Variants in TMEM178A observed in about 807,000 individuals in gnomAD.
TMEM178A encodes the protein transmembrane protein 178.
A neutral mutation model predicts 29.1 loss-of-function variants in TMEM178A; 12 were observed. The ratio of observed to expected loss-of-function variants is 0.41; its 90% CI spans 0.26 to 0.67. The LOEUF (loss-of-function observed/expected upper bound fraction) is 0.67, where lower values mean the gene tolerates loss of function less well. TMEM178A is among the 30% of genes least tolerant of loss of function. The probability of loss-of-function intolerance (pLI) is 0.29; values close to 1 mark genes in which losing one functional copy is unlikely to be tolerated. For synonymous variants in TMEM178A, 210 were observed against 187.2 expected, an observed-to-expected ratio of 1.12 and a Z score of -0.99; for missense variants, 366 against 419.1, an observed-to-expected ratio of 0.87 and a Z score of 1.11.
At position 39,704,087 on chromosome 2, in the gene TMEM178A, C is replaced by T. The variant is rs769515311; in HGVS notation, c.407C>T (p.Ala136Val). 7 of 1,613,766 alleles carry T rather than the reference C, an allele frequency of 4.3e-6. No homozygotes were observed. The highest frequency in any genetic ancestry group is 1.3e-5 in the African/African-American group (1 of 74,912). The change falls in exon 2 of 4, where the codon GCG (alanine) becomes GTG (valine). Residue 136 changes from alanine (A) to valine (V), a missense_variant. Around this residue, in one of 2 missense-constraint regions of TMEM178A, gnomAD observed 247 missense variants for 246.8 expected, o/e 1.00. Transcript: ENST00000281961. ...DIDTLILKGI[A>V]QRCTAIKYHF... is the part of the protein sequence containing the mutation. Reference sequence around the variant, plus strand: ...GTTTCTTATTTCCTTCAAGGTATTGCGCAGCGATGCACGGCCATCAAGTAC... The same window carrying T: ...GTTTCTTATTTCCTTCAAGGTATTGTGCAGCGATGCACGGCCATCAAGTAC...
At chr2:39,733,400 G>C in the TMEM178A span, among the ~76,000 whole-genome samples, 1 of 152,168 alleles carries the variant, frequency 6.6e-6, no homozygotes, top group Admixed American at 6.5e-5. Context: ...GATGCCAATG[G>C]AATGAGTTGA....
chr2:39,729,428 TC>T, the TMEM178A span, among the ~76,000 whole-genome samples: 1 of 152,190 alleles, frequency 6.6e-6, no homozygotes, highest in Non-Finnish European at 1.5e-5. Flanking sequence ...AAGCTGGTGT[TC>T]TGGTTTCTGC....
intron 1 of TMEM178A, among the ~76,000 whole-genome samples, chr2:39,684,069 CTAGT>C (rs1181155660): frequency 6.6e-6 from 1 of 152,170 alleles, no homozygotes; most frequent in African/African-American, 2.4e-5. Flanking sequence ...ATGCATCTAC[CTAGT>C]TCTGATCTGC....
chr2:39,727,914 A>G, the TMEM178A span, among the ~76,000 whole-genome samples: 6 of 152,310 alleles, frequency 3.9e-5, no homozygotes, highest in East Asian at 1.2e-3. Flanking sequence ...ATGGCAGCAT[A>G]GTATTCCATG....
At chr2:39,719,597 G>A (rs1672664921), downstream of TMEM178A, among the ~76,000 whole-genome samples, 1 of 152,218 alleles carries the variant, frequency 6.6e-6, no homozygotes, top group African/African-American at 2.4e-5. Context: ...GAGTCCTTGG[G>A]CTTCTCTTAG....
chr2:39,673,972 G>A (rs916707211), intron 1 of TMEM178A, among the ~76,000 whole-genome samples: 2 of 152,074 alleles, frequency 1.3e-5, no homozygotes, highest in African/African-American at 4.8e-5. Context: ...GAGGAAGGGG[G>A]TCTAAGTGAG....
At chr2:39,729,422 T>G in the TMEM178A span, among the ~76,000 whole-genome samples, 1 of 152,182 alleles carries the variant, frequency 6.6e-6, no homozygotes, top group African/African-American at 2.4e-5. Context: ...TCGGAAAAGC[T>G]GGTGTTCTGG....
At chr2:39,711,295 A>G (rs146670379) in intron 3 of TMEM178A, among the ~76,000 whole-genome samples, 11 of 152,364 alleles carry the variant, frequency 7.2e-5, no homozygotes, top group African/African-American at 2.6e-4. Context: ...TATAATATAT[A>G]CTTATTATAA....
chr2:39,729,582 AATT>A, the TMEM178A span, among the ~76,000 whole-genome samples: 1 of 152,206 alleles, frequency 6.6e-6, no homozygotes, highest in Non-Finnish European at 1.5e-5. Flanking sequence ...TAAAATATGC[AATT>A]ATACTTGACA....
chr2:39,732,947 C>T, the TMEM178A span, among the ~76,000 whole-genome samples: 1 of 152,214 alleles, frequency 6.6e-6, no homozygotes, highest in Non-Finnish European at 1.5e-5. Flanking sequence ...GCAGCTCCTA[C>T]AAATATATGG....
At chr2:39,690,793 T>C (rs945906261) in intron 1 of TMEM178A, among the ~76,000 whole-genome samples, 1 of 152,182 alleles carries the variant, frequency 6.6e-6, no homozygotes, top group Admixed American at 6.5e-5. Flanking sequence ...AATAGTTGTC[T>C]TAAAGAAGCT....
chr2:39,730,266 A>T, the TMEM178A span, among the ~76,000 whole-genome samples: 1 of 152,172 alleles, frequency 6.6e-6, no homozygotes, highest in Non-Finnish European at 1.5e-5. Flanking sequence ...CTGGGTGCTC[A>T]GAGTGGATTA....
intron 3 of TMEM178A, among the ~76,000 whole-genome samples, chr2:39,714,248 T>C (rs2716707): frequency 0.06 from 9,194 of 151,992 alleles, 916 homozygotes; most frequent in African/African-American, 0.21. Context: ...AGAGAGGGGA[T>C]GGATTTTTGG....
At chr2:39,705,414 C>T (rs1031899026) in intron 2 of TMEM178A, among the ~76,000 whole-genome samples, 3 of 152,162 alleles carry the variant, frequency 2.0e-5, no homozygotes, top group Admixed American at 1.3e-4. Flanking sequence ...TCACTCAAAC[C>T]ATAGGAAATT....
At chr2:39,691,561 A>T (rs1372253455) in intron 1 of TMEM178A, among the ~76,000 whole-genome samples, 1 of 152,210 alleles carries the variant, frequency 6.6e-6, no homozygotes, top group Non-Finnish European at 1.5e-5. Context: ...TACAACCATT[A>T]TAGAAAACAA....
intron 3 of TMEM178A, among the ~76,000 whole-genome samples, chr2:39,715,884 G>T (rs536655204): frequency 7.2e-5 from 11 of 152,326 alleles, no homozygotes; most frequent in African/African-American, 2.4e-4. Flanking sequence ...GGTTAAAAAA[G>T]GGTGGTGGGT....
At chr2:39,665,679 C>T (rs1268855010), upstream of TMEM178A, 4 of 289,078 alleles carry the variant, frequency 1.4e-5, no homozygotes, top group South Asian at 3.4e-4. Context: ...GGGTGGGGGG[C>T]GCCGGGGCGA....
intron 1 of TMEM178A, among the ~76,000 whole-genome samples, chr2:39,700,355 T>C (rs1671727976): frequency 6.6e-6 from 1 of 152,196 alleles, no homozygotes; most frequent in Non-Finnish European, 1.5e-5. Context: ...TTTGGGGCTC[T>C]ATTGGTCAGT....
intron 1 of TMEM178A, among the ~76,000 whole-genome samples, chr2:39,690,908 A>G (rs556073485): frequency 5.6e-4 from 86 of 152,312 alleles, no homozygotes; most frequent in African/African-American, 2.1e-3. Context: ...GAACCAAACA[A>G]ATTCTGAAGC....
Sources: allele counts gnomAD v4.1 joint callset (sites outside exome capture counted in the v4.1 genomes callset), GRCh38; gene constraint gnomAD v4.1.1; regional missense constraint gnomAD v4.1.1; transcripts MANE v1.5; gene names NCBI Gene and HGNC (gene_info 2026-07-23, HGNC 2026-07-21).